Variants in LAMA2 observed in about 807,000 individuals in gnomAD.
LAMA2 encodes laminin subunit alpha 2.
A neutral mutation model predicts 364.8 loss-of-function variants in LAMA2; 269 were observed. The ratio of observed to expected loss-of-function variants is 0.74; its 90% CI spans 0.67 to 0.82. The LOEUF (loss-of-function observed/expected upper bound fraction) is 0.82, where lower values mean the gene tolerates loss of function less well. Ranked by LOEUF, LAMA2 falls within the 40% of genes least tolerant of loss-of-function variation. The probability of loss-of-function intolerance (pLI) is 0.00; values close to 1 mark genes in which losing one functional copy is unlikely to be tolerated. For missense variants in LAMA2, 3,807 were observed against 3,873.2 expected (o/e 0.98, Z 0.45); for synonymous variants, 1,379 against 1,370.6 (o/e 1.01, Z -0.14).
At chr6:129,176,660 T>G (rs963009714) in intron 9 of LAMA2, among the ~76,000 whole-genome samples, 3 of 152,152 alleles carry the variant, frequency 2.0e-5, no homozygotes, top group African/African-American at 7.2e-5. Context: ...CAATGTAAAA[T>G]GAGAGCTTGC....
chr6:129,204,021 T>G (rs887594878), intron 12 of LAMA2, among the ~76,000 whole-genome samples: 4 of 152,234 alleles, frequency 2.6e-5, no homozygotes, highest in African/African-American at 7.2e-5. Flanking sequence ...AAAAGACGTT[T>G]GTTAAAAAAC....
At position 128,914,570 on chromosome 6, in the gene LAMA2, C is replaced by T. The variant is rs553497221; in HGVS notation, c.112+31213C>T. 2.6e-5 allele frequency among the ~76,000 whole-genome samples: 4 copies of T among 152,312 alleles called. No homozygotes were observed. In the South Asian group the frequency reaches 6.2e-4, roughly 24 times the overall value. On this transcript the variant is annotated intron_variant, in intron 1 of 64. Coordinates refer to ENST00000421865, the MANE Select transcript of LAMA2 (RefSeq NM_000426.4). ...TCTAATTTTAAAATAGCTATGCTCACTTCAAACGAAGATGTTGCTATAGCT... is the reference window on the plus strand; with the variant it reads ...TCTAATTTTAAAATAGCTATGCTCATTTCAAACGAAGATGTTGCTATAGCT...
At chr6:129,462,430 G>A (rs963259131) in intron 49 of LAMA2, among the ~76,000 whole-genome samples, 3 of 151,852 alleles carry the variant, frequency 2.0e-5, no homozygotes, top group Non-Finnish European at 4.4e-5. Flanking sequence ...CGTGGCCCAC[G>A]TCTTTTCCGT....
At chr6:129,090,172 A>G (rs552704083) in intron 3 of LAMA2, among the ~76,000 whole-genome samples, 1 of 152,224 alleles carries the variant, frequency 6.6e-6, no homozygotes, top group Non-Finnish European at 1.5e-5. Flanking sequence ...ACACAAAAGT[A>G]TAGAGAATAC....
chr6:129,271,349 T>A (rs1787920395), intron 17 of LAMA2, among the ~76,000 whole-genome samples: 1 of 152,146 alleles, frequency 6.6e-6, no homozygotes, highest in African/African-American at 2.4e-5. Flanking sequence ...TCCTTACCTT[T>A]TAGAGGAATG....
In LAMA2 at chr6:129,280,109, T is replaced by C. The variant is rs997728843; in HGVS notation, c.2499T>C (p.Asp833=). The C allele has an allele frequency of 6.2e-7, 1 of 1,613,446 alleles. No homozygotes were observed. ...HLDRSLGLIC[D]GCPVGYTGPR... ...ACCGGAGTCTTGGATTGATCTGTGATGGATGCCCTGTCGGGTACACAGGAC... is the reference window on the plus strand; with the variant it reads ...ACCGGAGTCTTGGATTGATCTGTGACGGATGCCCTGTCGGGTACACAGGAC... The change falls in exon 18 of 65, where the codon GAT becomes GAC. Residue 833 remains aspartate (D), a synonymous_variant. Coordinates refer to ENST00000421865, the MANE Select transcript of LAMA2 (RefSeq NM_000426.4).
intron 12 of LAMA2, among the ~76,000 whole-genome samples, chr6:129,218,687 T>C (rs371894429): frequency 1.3e-5 from 2 of 152,332 alleles, no homozygotes; most frequent in East Asian, 1.9e-4. Flanking sequence ...GAGAGAATTA[T>C]GGTGATCTAA....
chr6:129,379,206 A>T (rs983205613), intron 34 of LAMA2, among the ~76,000 whole-genome samples: 2 of 152,108 alleles, frequency 1.3e-5, no homozygotes, highest in Non-Finnish European at 2.9e-5. Context: ...GGCCTACCAG[A>T]GGGCGGAGGA....
At chr6:128,947,886 G>A (rs1418254185) in intron 1 of LAMA2, among the ~76,000 whole-genome samples, 2 of 152,018 alleles carry the variant, frequency 1.3e-5, no homozygotes, top group African/African-American at 2.4e-5. Flanking sequence ...AAATGGAAGG[G>A]AGACGATAAA....
chr6:129,451,668 G>A (rs1052679106), intron 45 of LAMA2, among the ~76,000 whole-genome samples: 3 of 152,170 alleles, frequency 2.0e-5, no homozygotes, highest in Non-Finnish European at 4.4e-5. Flanking sequence ...TCCCCAGAAG[G>A]TCTCAAATCT....
intron 5 of LAMA2, among the ~76,000 whole-genome samples, chr6:129,146,036 A>T (rs909709189): frequency 6.6e-6 from 1 of 151,984 alleles, no homozygotes; most frequent in African/African-American, 2.4e-5. Context: ...ATTTTCAAAG[A>T]CACTATATGT....
intron 1 of LAMA2, among the ~76,000 whole-genome samples, chr6:128,981,579 CAAAAAAA>C (rs145266584): frequency 9.2e-5 from 11 of 119,480 alleles, no homozygotes; most frequent in African/African-American, 1.3e-4. Flanking sequence ...CCATCTCTAC[CAAAAAAA>C]AAAAAAAAAA....
intron 46 of LAMA2, 62 bp downstream of exon 46, chr6:129,453,193 A>G (rs1782777032): frequency 1.4e-6 from 2 of 1,462,364 alleles, no homozygotes; most frequent in Admixed American, 1.7e-5. Flanking sequence ...GGTTAATCTG[A>G]AAATGTATAG....
chr6:129,073,295 A>AT (rs1236093204), intron 3 of LAMA2, among the ~76,000 whole-genome samples: 12 of 151,610 alleles, frequency 7.9e-5, no homozygotes, highest in Non-Finnish European at 1.5e-4. Context: ...ATTGAAGGCT[A>AT]TTTTTTTTAA....
intron 40 of LAMA2, among the ~76,000 whole-genome samples, chr6:129,407,231 G>A (rs9398902): frequency 6.6e-6 from 1 of 151,774 alleles, no homozygotes; most frequent in Non-Finnish European, 1.5e-5. Flanking sequence ...ACTTTGCATC[G>A]TTCAATCCAA....
chr6:129,206,994 A>C (rs561632282), intron 12 of LAMA2, among the ~76,000 whole-genome samples: 2 of 152,316 alleles, frequency 1.3e-5, no homozygotes, highest in East Asian at 3.9e-4. Context: ...TGATAAATGA[A>C]CCCATCTCTC....
intron 12 of LAMA2, among the ~76,000 whole-genome samples, chr6:129,220,734 G>A (rs1317776158): frequency 1.3e-5 from 2 of 152,128 alleles, no homozygotes; most frequent in Non-Finnish European, 2.9e-5. Context: ...AACCTAATTT[G>A]TGAGAGAATT....
chr6:129,294,856 G>A (rs1021644839), intron 20 of LAMA2, among the ~76,000 whole-genome samples: 2 of 152,106 alleles, frequency 1.3e-5, no homozygotes, highest in Non-Finnish European at 2.9e-5. Context: ...TATTACCAAT[G>A]TTGTTAAATG....
chr6:129,083,631 A>C (rs1774197339), intron 3 of LAMA2, among the ~76,000 whole-genome samples: 1 of 152,228 alleles, frequency 6.6e-6, no homozygotes, highest in Non-Finnish European at 1.5e-5. Context: ...CTTTACCTCC[A>C]ACTCAAAGAT....
Sources: allele counts gnomAD v4.1 joint callset (sites outside exome capture counted in the v4.1 genomes callset), GRCh38; gene constraint gnomAD v4.1.1; transcripts MANE v1.5; gene names NCBI Gene and HGNC (gene_info 2026-07-23, HGNC 2026-07-21).